Variants in PARD3B observed in about 807,000 individuals in gnomAD.
PARD3B encodes the protein par-3 family cell polarity regulator beta.
In PARD3B, 103 loss-of-function variants were observed where a neutral mutation model predicts 130.2. That is an observed-to-expected ratio of 0.79 (90% CI 0.67 to 0.93). The LOEUF is 0.93. Among genes scored for constraint, PARD3B ranks in the 40% least tolerant of loss-of-function variants. The pLI is 0.00. For synonymous variants in PARD3B, 583 were observed against 553.2 expected, an observed-to-expected ratio of 1.05 and a Z score of -0.76; for missense variants, 1,609 against 1,499.2, an observed-to-expected ratio of 1.07 and a Z score of -1.21.
intron 21 of PARD3B, among the ~76,000 whole-genome samples, chr2:205,542,146 A>G (rs1183827964): frequency 2.8e-5 from 1 of 35,656 alleles, no homozygotes; most frequent in Admixed American, 3.4e-4. Flanking sequence ...TCCGTCTCCA[A>G]AAAAAAAAAA....
chr2:205,093,071 G>T (rs1440467637), intron 4 of PARD3B, among the ~76,000 whole-genome samples: 1 of 152,054 alleles, frequency 6.6e-6, no homozygotes, highest in African/African-American at 2.4e-5. Flanking sequence ...TCTGGCAATG[G>T]TTCCAGCTGG....
At chr2:205,594,788 T>A (rs979067938) in intron 22 of PARD3B, among the ~76,000 whole-genome samples, 7 of 152,158 alleles carry the variant, frequency 4.6e-5, no homozygotes, top group Middle Eastern at 3.2e-3. Flanking sequence ...GTTAGAGGAT[T>A]TCCTACCCTG....
At chr2:205,474,800 G>A (rs2048968455) in intron 20 of PARD3B, among the ~76,000 whole-genome samples, 2 of 152,088 alleles carry the variant, frequency 1.3e-5, no homozygotes, top group Admixed American at 1.3e-4. Flanking sequence ...ACAACTTTGA[G>A]TATCATCACT....
At chr2:205,602,272 G>A (rs1317011922) in intron 22 of PARD3B, among the ~76,000 whole-genome samples, 1 of 152,194 alleles carries the variant, frequency 6.6e-6, no homozygotes, top group Non-Finnish European at 1.5e-5. Context: ...GCTGGATTTG[G>A]TTTGCCAGTA....
intron 2 of PARD3B, among the ~76,000 whole-genome samples, chr2:204,951,284 TTGA>T (rs1689743818): frequency 6.6e-6 from 1 of 152,192 alleles, no homozygotes; most frequent in South Asian, 2.1e-4. Context: ...ATTCATGAAT[TTGA>T]TGATATTACG....
intron 18 of PARD3B, among the ~76,000 whole-genome samples, chr2:205,334,284 A>T (rs1314070234): frequency 1.3e-5 from 2 of 152,182 alleles, no homozygotes; most frequent in Non-Finnish European, 2.9e-5. Context: ...CCAGCTGCTA[A>T]CTTAGAGAAA....
chr2:205,010,601 G>A (rs897784214), intron 3 of PARD3B, among the ~76,000 whole-genome samples: 1 of 152,096 alleles, frequency 6.6e-6, no homozygotes, highest in Non-Finnish European at 1.5e-5. Flanking sequence ...TTATAGTTTG[G>A]CTGCATATAT....
chr2:205,404,420 T>C (rs1254189046), intron 19 of PARD3B, among the ~76,000 whole-genome samples: 1 of 152,192 alleles, frequency 6.6e-6, no homozygotes, highest in African/African-American at 2.4e-5. Context: ...GATTTTGATA[T>C]CCACAGAGTG....
Position 205,550,949 on chromosome 2 carries a change from A to ATGTGTG in PARD3B, c.3181-2374_3181-2373insGTGTGT, listed in dbSNP as rs1233386117. On this transcript the variant is annotated intron_variant, in intron 21 of 22. Transcript: ENST00000406610. This position sits in a 1 kb window ranked among gnomAD's most constrained non-coding sequence, Gnocchi z 4.5. ...TGTGTGTGTGTGTGTGTGTATATAT[A>ATGTGTG]TATGTGTATATATATATATATATAT... Among the ~76,000 whole-genome samples the ATGTGTG allele has an allele frequency of 1.3e-5, 1 of 74,702 alleles. No homozygotes were observed. Among genetic ancestry groups the ATGTGTG allele is most frequent in the African/African-American group, 4.2e-5 (1 of 24,038 alleles). 49.0% of individuals were successfully genotyped at this position (74,702 alleles called of 152,430 possible).
Position 205,522,431 on chromosome 2 carries a change from C to T in PARD3B, c.3180+22400C>T, listed in dbSNP as rs553950496. 2.7e-4 allele frequency among the ~76,000 whole-genome samples: 41 copies of T among 151,846 alleles called. No individual in the cohort carries two copies. In the South Asian group the frequency reaches 6.4e-3, roughly 24 times the overall value. ...TTTTAAGCTCTGTAGTCAAGGACAG[C>T]GACGTCTCCCATTTTTGCCTGGTGG... On this transcript the variant is annotated intron_variant, in intron 21 of 22. Transcript: ENST00000406610.
intron 18 of PARD3B, among the ~76,000 whole-genome samples, chr2:205,313,673 G>A (rs1278173399): frequency 1.3e-5 from 2 of 152,120 alleles, no homozygotes; most frequent in Admixed American, 6.6e-5. Context: ...TCCCATTAAC[G>A]TTAATGTGAA....
intron 3 of PARD3B, among the ~76,000 whole-genome samples, chr2:204,997,573 T>TTTTTTTTTTTTTTTTTTTTTGAG (rs1694336431): frequency 6.6e-6 from 1 of 152,152 alleles, no homozygotes; most frequent in African/African-American, 2.4e-5. Flanking sequence ...TTGATTTTTT[T>TTTTTTTTTTTTTTTTTTTTTGAG]AAGCCAGAAA....
Position 204,981,709 on chromosome 2 carries a change from G to T in PARD3B, c.394+16386G>T, listed in dbSNP as rs535220378. On this transcript the variant is annotated intron_variant, in intron 3 of 22. Transcript: ENST00000406610. ...AGAAGACAGTAACCATAATAAATGA[G>T]ATTTTTATATAGTATGTTAGAAACT... is the stretch of plus-strand genomic sequence containing the variant. Among the ~76,000 whole-genome samples, 73 of 152,274 alleles carry T rather than the reference G, an allele frequency of 4.8e-4. 1 individual carries two copies. The highest frequency in any genetic ancestry group is 5.6e-4 in the Non-Finnish European group (38 of 68,008).
chr2:205,407,632 C>T lies in PARD3B; in HGVS notation c.2741+6509C>T, dbSNP rs937568953. On this transcript the variant is annotated intron_variant, in intron 19 of 22. Transcript: ENST00000406610. The surrounding 1 kb of genome is among the most constrained non-coding windows in gnomAD (Gnocchi z 4.1). ...TAAATACCTGTATTCTTAATACCAT[C>T]TCAAAAATCCAGTGGAGATTGGTTA... Among the ~76,000 whole-genome samples the T allele has an allele frequency of 1.6e-4, 24 of 152,100 alleles. No individual in the cohort carries two copies. The highest frequency in any genetic ancestry group is 3.1e-4 in the Non-Finnish European group (21 of 68,012).
chr2:205,155,846 C>G (rs2034086275), intron 10 of PARD3B, among the ~76,000 whole-genome samples: 1 of 152,056 alleles, frequency 6.6e-6, no homozygotes, highest in Non-Finnish European at 1.5e-5. Flanking sequence ...AAGTGTCTTC[C>G]TTTGAGAAGT....
chr2:204,929,296 A>G (rs1285961774), intron 2 of PARD3B, among the ~76,000 whole-genome samples: 1 of 152,174 alleles, frequency 6.6e-6, no homozygotes, highest in Non-Finnish European at 1.5e-5. Flanking sequence ...GCCAGTGGAC[A>G]CACGCTTCAC....
chr2:204,994,486 A>G (rs531824162), intron 3 of PARD3B, among the ~76,000 whole-genome samples: 1 of 123,548 alleles, frequency 8.1e-6, no homozygotes, highest in Non-Finnish European at 1.7e-5. Context: ...TGCTGAGGAG[A>G]GCTTTACTTC....
intron 2 of PARD3B, among the ~76,000 whole-genome samples, chr2:204,908,685 G>C (rs1224687161): frequency 6.6e-6 from 1 of 152,156 alleles, no homozygotes; most frequent in African/African-American, 2.4e-5. Flanking sequence ...TGGGCTTACT[G>C]TCATCCTTGC....
chr2:205,506,500 G>A (rs1319071041), intron 21 of PARD3B, among the ~76,000 whole-genome samples: 5 of 152,186 alleles, frequency 3.3e-5, no homozygotes, highest in Admixed American at 1.3e-4. Context: ...TTGAAGAAAC[G>A]TACTTGGCCG....
Sources: gnomAD v4.1 joint callset for allele counts (sites outside exome capture counted in the v4.1 genomes callset) on GRCh38, gnomAD v4.1.1 for gene constraint, Gnocchi (gnomAD v3.1) non-coding constraint, MANE v1.5 for transcripts, NCBI Gene and HGNC (gene_info 2026-07-23, HGNC 2026-07-21) for gene names.